Variants in KAZN observed in about 807,000 individuals in gnomAD.
KAZN encodes the protein kazrin, periplakin interacting protein, also known as kazrin.
KAZN carries 40 observed loss-of-function variants against 87.4 expected under a neutral mutation model. The ratio of observed to expected loss-of-function variants is 0.46; its 90% CI spans 0.36 to 0.60. The LOEUF is 0.60. KAZN is among the 20% of genes least tolerant of loss of function. The pLI is 0.00. For missense variants in KAZN, 898 were observed against 1,073.9 expected (o/e 0.84, Z 2.29); for synonymous variants, 466 against 458.3 (o/e 1.02, Z -0.22).
chr1:14,112,918 T>C (rs191987618), intron 1 of KAZN, among the ~76,000 whole-genome samples: 1 of 152,274 alleles, frequency 6.6e-6, no homozygotes, highest in East Asian at 1.9e-4. Context: ...CCCAGCAGAG[T>C]TCAAAGTGCT....
intron 2 of KAZN, among the ~76,000 whole-genome samples, chr1:14,381,170 A>G (rs573332306): frequency 6.6e-5 from 10 of 152,228 alleles, no homozygotes; most frequent in South Asian, 4.1e-4. Flanking sequence ...GAAGCTGACT[A>G]TATAATGACA....
chr1:14,560,249 C>T (rs558118165), intron 2 of KAZN, among the ~76,000 whole-genome samples: 1 of 152,278 alleles, frequency 6.6e-6, no homozygotes, highest in South Asian at 2.1e-4. Flanking sequence ...TAAGCTCTGA[C>T]AGGATCAGAT....
intron 1 of KAZN, among the ~76,000 whole-genome samples, chr1:14,626,727 G>T (rs541409446): frequency 9.2e-5 from 14 of 152,250 alleles, no homozygotes; most frequent in African/African-American, 3.4e-4. Flanking sequence ...CTCTGTGCCT[G>T]ACTCTGCCTC....
At chr1:14,892,935 C>G (rs1264456408) in intron 1 of KAZN, among the ~76,000 whole-genome samples, 1 of 152,210 alleles carries the variant, frequency 6.6e-6, no homozygotes, top group Admixed American at 6.5e-5. Context: ...CAGTCCTCCA[C>G]AAATATTTAC....
chr1:14,709,798 G>C (rs1044017883), intron 1 of KAZN, among the ~76,000 whole-genome samples: 1 of 152,224 alleles, frequency 6.6e-6, no homozygotes. Context: ...GAGCTCACCT[G>C]TGTGAGTGTC....
intron 2 of KAZN, among the ~76,000 whole-genome samples, chr1:14,986,072 T>G (rs1282959756): frequency 1.4e-5 from 2 of 147,910 alleles, no homozygotes; most frequent in African/African-American, 5.0e-5. Flanking sequence ...AGATTAAAGA[T>G]TAAAGGACAA....
At chr1:14,997,491 C>T (rs1168034457) in intron 2 of KAZN, among the ~76,000 whole-genome samples, 16 of 152,044 alleles carry the variant, frequency 1.1e-4, no homozygotes, top group Non-Finnish European at 4.4e-5. Context: ...CCACCTGCCT[C>T]GGCCTCCCAA....
intron 1 of KAZN, among the ~76,000 whole-genome samples, chr1:14,178,329 C>T (rs779890474): frequency 2.0e-5 from 3 of 152,142 alleles, no homozygotes; most frequent in Non-Finnish European, 4.4e-5. Flanking sequence ...GTTTCCCTGT[C>T]CTCCCCACCT....
intron 2 of KAZN, among the ~76,000 whole-genome samples, chr1:14,455,771 C>A (rs1053953601): frequency 1.6e-4 from 25 of 152,170 alleles, no homozygotes; most frequent in Admixed American, 1.6e-3. Context: ...CAGAGGAATT[C>A]TTCAGGATCC....
At chr1:14,524,442 G>C (rs1671759732) in intron 2 of KAZN, among the ~76,000 whole-genome samples, 2 of 152,120 alleles carry the variant, frequency 1.3e-5, no homozygotes, top group African/African-American at 4.8e-5. Flanking sequence ...CTGTGCCCTT[G>C]AGAAAGCCCA....
At chr1:14,229,463 A>G (rs531667632) in intron 2 of KAZN, among the ~76,000 whole-genome samples, 1 of 152,370 alleles carries the variant, frequency 6.6e-6, no homozygotes, top group African/African-American at 2.4e-5. Flanking sequence ...CATATTTTAT[A>G]TAAAGGTATG....
chr1:14,552,721 G>A (rs1413409263), intron 2 of KAZN, among the ~76,000 whole-genome samples: 2 of 152,198 alleles, frequency 1.3e-5, no homozygotes, highest in Non-Finnish European at 2.9e-5. Context: ...GAGCACAATA[G>A]TAATCATAAA....
chr1:14,975,065 T>C (rs183311714), intron 2 of KAZN, among the ~76,000 whole-genome samples: 78 of 152,362 alleles, frequency 5.1e-4, no homozygotes, highest in Admixed American at 5.0e-3. Context: ...TGGCTTTGCC[T>C]TCTTTCCCTG....
At chr1:14,319,555 C>T (rs1175724932) in intron 2 of KAZN, among the ~76,000 whole-genome samples, 1 of 152,168 alleles carries the variant, frequency 6.6e-6, no homozygotes, top group Admixed American at 6.5e-5. Flanking sequence ...CCCGTTCTCT[C>T]CCGAACTCAA....
At chr1:14,980,729 A>G (rs1045468087) in intron 2 of KAZN, among the ~76,000 whole-genome samples, 2 of 152,150 alleles carry the variant, frequency 1.3e-5, no homozygotes, top group African/African-American at 4.8e-5. Flanking sequence ...GGTGTCTCGG[A>G]AACCATTCCG....
intron 1 of KAZN, among the ~76,000 whole-genome samples, chr1:14,752,298 T>C (rs766260820): frequency 2.1e-4 from 32 of 152,194 alleles, no homozygotes; most frequent in Non-Finnish European, 4.3e-4. Context: ...TGTGAGATGA[T>C]GCTGATATGC....
At chr1:15,091,107 C>G (rs1422308562) in intron 8 of KAZN, among the ~76,000 whole-genome samples, 1 of 152,096 alleles carries the variant, frequency 6.6e-6, no homozygotes, top group Non-Finnish European at 1.5e-5. Context: ...GTCACAAATA[C>G]TCTCACACTC....
intron 2 of KAZN, among the ~76,000 whole-genome samples, chr1:15,022,676 G>A (rs1432641590): frequency 1.3e-5 from 2 of 152,212 alleles, no homozygotes; most frequent in Non-Finnish European, 2.9e-5. Flanking sequence ...TTAAGGCATG[G>A]GAAGTAGCCA....
At chr1:14,772,907 T>TCTG (rs1572443205) in intron 1 of KAZN, among the ~76,000 whole-genome samples, 2 of 152,000 alleles carry the variant, frequency 1.3e-5, no homozygotes, top group East Asian at 3.9e-4. Flanking sequence ...ACATTGGCCT[T>TCTG]CTGTGTGCTT....
Sources: gnomAD v4.1 joint callset for allele counts (sites outside exome capture counted in the v4.1 genomes callset) on GRCh38, gnomAD v4.1.1 for gene constraint, MANE v1.5 for transcripts, NCBI Gene and HGNC (gene_info 2026-07-23, HGNC 2026-07-21) for gene names.